Variants in BTBD9 observed in about 807,000 individuals in gnomAD.
BTBD9 encodes the protein BTB/POZ domain-containing protein 9.
BTBD9 carries 49 observed loss-of-function variants against 64.3 expected under a neutral mutation model. That is an observed-to-expected ratio of 0.76 (90% CI 0.61 to 0.97). The LOEUF (loss-of-function observed/expected upper bound fraction) is 0.97, where lower values mean the gene tolerates loss of function less well. Ranked by LOEUF, BTBD9 falls within the 50% of genes least tolerant of loss-of-function variation. BTBD9 has a pLI of 0.00. For missense variants in BTBD9, 598 were observed against 762.1 expected, an observed-to-expected ratio of 0.78 and a Z score of 2.53; for synonymous variants, 260 against 274.7, an observed-to-expected ratio of 0.95 and a Z score of 0.53.
rs1554150957 is a variant in BTBD9, at chr6:38,429,468, A to AAG, written c.1155-84376_1155-84375insCT. 7.9e-5 allele frequency among the ~76,000 whole-genome samples: 12 copies of AAG among 151,410 alleles called. 1 individual carries two copies. The South Asian group carries it at 1.0e-3, about 13-fold the overall frequency. Reference sequence around the variant, plus strand: ...AAGACTACGTCTCAAAAAAAAAAAAAAAAGAAAGAAAAACGGATTTGAATA... The same window carrying AAG: ...AAGACTACGTCTCAAAAAAAAAAAAAAGAAAGAAAGAAAAACGGATTTGAATA... On this transcript the variant is annotated intron_variant, in intron 6 of 10. Coordinates refer to ENST00000481247, the MANE Select transcript of BTBD9 (RefSeq NM_001099272.2).
intron 8 of BTBD9, among the ~76,000 whole-genome samples, chr6:38,266,383 G>A (rs1473614895): frequency 1.3e-5 from 2 of 151,876 alleles, no homozygotes; most frequent in Non-Finnish European, 2.9e-5. Context: ...GACCAGCCTG[G>A]GCAACATGGG....
At chr6:38,302,340 C>A (rs1210867099) in intron 7 of BTBD9, among the ~76,000 whole-genome samples, 1 of 151,864 alleles carries the variant, frequency 6.6e-6, no homozygotes, top group African/African-American at 2.4e-5. Flanking sequence ...CAACTTTACA[C>A]TTCACATATG....
At chr6:38,520,690 T>C (rs1773235592) in intron 6 of BTBD9, among the ~76,000 whole-genome samples, 2 of 152,116 alleles carry the variant, frequency 1.3e-5, no homozygotes. Flanking sequence ...CCCAGCACTT[T>C]GTAAGGCTGA....
At chr6:38,481,094 G>A (rs535638114) in intron 6 of BTBD9, among the ~76,000 whole-genome samples, 13 of 152,214 alleles carry the variant, frequency 8.5e-5, no homozygotes, top group Non-Finnish European at 1.6e-4. Flanking sequence ...ATCCCATTGA[G>A]TAGGGAGAGG....
In BTBD9 at chr6:38,552,814, T is replaced by C. The variant is rs547846399; in HGVS notation, c.1154+24786A>G. Among the ~76,000 whole-genome samples, 37 of 151,796 alleles carry C rather than the reference T, an allele frequency of 2.4e-4. 2 individuals are homozygous for C. In the South Asian group the frequency reaches 7.3e-3, roughly 30 times the overall value. On this transcript the variant is annotated intron_variant, in intron 6 of 10. Transcript: ENST00000481247. Reference sequence around the variant, plus strand: ...CATGGTAAATATAGCCTGATCAATATCCTGGACTCTGACTAATTAGGTTAG... The same window carrying C: ...CATGGTAAATATAGCCTGATCAATACCCTGGACTCTGACTAATTAGGTTAG...
At chr6:38,244,407 C>A (rs914093183) in intron 9 of BTBD9, among the ~76,000 whole-genome samples, 6 of 152,060 alleles carry the variant, frequency 3.9e-5, no homozygotes, top group African/African-American at 1.4e-4. Context: ...CAGACTCTTT[C>A]CTGCTGGGAG....
intron 1 of BTBD9, among the ~76,000 whole-genome samples, chr6:38,616,394 A>G (rs763452565): frequency 2.0e-5 from 3 of 152,192 alleles, no homozygotes; most frequent in Non-Finnish European, 4.4e-5. Flanking sequence ...TTTATAACAA[A>G]TATTTTATTA....
At chr6:38,552,908 C>T (rs115148877) in intron 6 of BTBD9, among the ~76,000 whole-genome samples, 85 of 152,210 alleles carry the variant, frequency 5.6e-4, no homozygotes, top group Middle Eastern at 3.4e-3. Flanking sequence ...CAAACCCCCA[C>T]CAAGGATATC....
chr6:38,436,236 C>A (rs1768730174), intron 6 of BTBD9, among the ~76,000 whole-genome samples: 1 of 151,880 alleles, frequency 6.6e-6, no homozygotes, highest in South Asian at 2.1e-4. Flanking sequence ...CAAAAAGACA[C>A]ATTCCAATTT....
chr6:38,579,814 T>C (rs186728414), intron 5 of BTBD9, among the ~76,000 whole-genome samples: 1 of 152,310 alleles, frequency 6.6e-6, no homozygotes, highest in Non-Finnish European at 1.5e-5. Flanking sequence ...AAAGTAAAAT[T>C]AGCTTTTTGT....
intron 6 of BTBD9, among the ~76,000 whole-genome samples, chr6:38,457,932 T>C (rs1426060625): frequency 6.6e-6 from 1 of 152,158 alleles, no homozygotes; most frequent in Non-Finnish European, 1.5e-5. Flanking sequence ...TTACTAAGTG[T>C]TGCGGAACTC....
At chr6:38,525,841 C>T (rs1372356080) in intron 6 of BTBD9, among the ~76,000 whole-genome samples, 4 of 152,076 alleles carry the variant, frequency 2.6e-5, no homozygotes, top group African/African-American at 7.2e-5. Flanking sequence ...TGCTTCTAAT[C>T]GTGCATGCTC....
intron 7 of BTBD9, among the ~76,000 whole-genome samples, chr6:38,343,624 G>A (rs1347646374): frequency 6.6e-6 from 1 of 151,996 alleles, no homozygotes. Context: ...ACAGCCTATA[G>A]AATTAAAAAA....
intron 10 of BTBD9, among the ~76,000 whole-genome samples, chr6:38,189,667 T>C (rs1196011738): frequency 9.4e-6 from 1 of 106,922 alleles, no homozygotes; most frequent in Non-Finnish European, 2.3e-5. Context: ...TTGGTTTTCT[T>C]TCTTTCTTTT....
chr6:38,320,410 C>T (rs961637778), intron 7 of BTBD9, among the ~76,000 whole-genome samples: 1 of 152,144 alleles, frequency 6.6e-6, no homozygotes, highest in Non-Finnish European at 1.5e-5. Context: ...TTCGTATCTG[C>T]CTTTTAAGGA....
chr6:38,173,626 T>C lies in BTBD9; in HGVS notation c.*1359A>G, dbSNP rs1010859015. ...GGCTCTTTCTAGAGCGCAGCTGATATGTCTTTGACACACCTGAAAGGAAAC... is the reference window on the plus strand; with the variant it reads ...GGCTCTTTCTAGAGCGCAGCTGATACGTCTTTGACACACCTGAAAGGAAAC... On this transcript the variant is annotated 3_prime_UTR_variant, in exon 11 of 11. Transcript: ENST00000481247. 7 of 152,290 alleles carry C rather than the reference T, an allele frequency of 4.6e-5. No individual in the cohort carries two copies. The highest frequency in any genetic ancestry group is 1.2e-4 in the African/African-American group (5 of 41,470). 9.4% of individuals were successfully genotyped at this position (152,290 alleles called of 1,614,324 possible). A position where few individuals can be genotyped will look rare whatever the true frequency, so the allele number is the denominator to read the frequency against.
intron 6 of BTBD9, among the ~76,000 whole-genome samples, chr6:38,390,960 A>G (rs1766383670): frequency 6.6e-6 from 1 of 152,332 alleles, no homozygotes; most frequent in South Asian, 2.1e-4. Flanking sequence ...CACTCTAGAA[A>G]AGACCTTAGG....
At chr6:38,526,004 A>G (rs1773468683) in intron 6 of BTBD9, among the ~76,000 whole-genome samples, 1 of 152,248 alleles carries the variant, frequency 6.6e-6, no homozygotes, top group African/African-American at 2.4e-5. Context: ...AGAAATTTGC[A>G]TAAGTAAAGA....
intron 8 of BTBD9, among the ~76,000 whole-genome samples, chr6:38,276,905 C>G (rs886299738): frequency 7.2e-5 from 11 of 152,066 alleles, no homozygotes; most frequent in African/African-American, 2.7e-4. Flanking sequence ...TGTAGGTATG[C>G]CGTAAAATTT....
Sources: allele counts gnomAD v4.1 joint callset (sites outside exome capture counted in the v4.1 genomes callset), GRCh38; gene constraint gnomAD v4.1.1; transcripts MANE v1.5; gene names NCBI Gene and HGNC (gene_info 2026-07-23, HGNC 2026-07-21).